GRIA1: variants seen among roughly 807,000 people sequenced by gnomAD.
The protein encoded by GRIA1 is glutamate ionotropic receptor AMPA type subunit 1.
Under a neutral mutation model 99.2 loss-of-function variants are expected in GRIA1, and 31 were observed. The ratio of observed to expected loss-of-function variants is 0.31; its 90% CI spans 0.23 to 0.42. The LOEUF is 0.42. GRIA1 is among the 10% of genes least tolerant of loss of function. GRIA1 has a pLI of 1.00. For synonymous variants in GRIA1, 438 were observed against 432.4 expected, an observed-to-expected ratio of 1.01 and a Z score of -0.16; for missense variants, 782 against 1,157.5, an observed-to-expected ratio of 0.68 and a Z score of 4.71.
At chr5:153,810,672 G>A (rs775798796) in intron 15 of GRIA1, among the ~76,000 whole-genome samples, 11 of 152,118 alleles carry the variant, frequency 7.2e-5, no homozygotes, top group East Asian at 1.9e-4. Context: ...CCCCTTTCCC[G>A]GAAGGTTTTC....
chr5:153,595,365 A>T (rs908406405), intron 2 of GRIA1, among the ~76,000 whole-genome samples: 2 of 152,188 alleles, frequency 1.3e-5, no homozygotes, highest in African/African-American at 4.8e-5. Context: ...AGTGTGGTGC[A>T]TTTGTCACAG....
intron 2 of GRIA1, among the ~76,000 whole-genome samples, chr5:153,644,052 G>A (rs1324772275): frequency 6.6e-6 from 1 of 152,084 alleles, no homozygotes; most frequent in Non-Finnish European, 1.5e-5. Context: ...TGCAGCAAGG[G>A]GAGAGAAGAG....
chr5:153,696,273 A>C (rs1462536747), intron 8 of GRIA1, among the ~76,000 whole-genome samples: 1 of 152,256 alleles, frequency 6.6e-6, no homozygotes, highest in Non-Finnish European at 1.5e-5. Flanking sequence ...AAACATAAAA[A>C]GCACTTTAAA....
chr5:153,677,150 G>C lies in GRIA1; in HGVS notation c.1018G>C (p.Ala340Pro). ...PWGQGIDIQR[A>P]LQQVRFEGLT... ...GGGCCAAGGGATCGACATCCAGAGA[G>C]CTCTGCAGCAGGTAAGACCACCAAT... is the stretch of plus-strand genomic sequence containing the variant. The change falls in exon 7 of 16, where the codon GCT (alanine) becomes CCT (proline). Residue 340 changes from alanine to proline, a missense_variant. Coordinates refer to ENST00000285900, the MANE Select transcript of GRIA1 (RefSeq NM_000827.4). The C allele has an allele frequency of 6.6e-7, 1 of 1,515,860 alleles. No individual in the cohort carries two copies. Among genetic ancestry groups the C allele is most frequent in the Non-Finnish European group, 8.9e-7 (1 of 1,121,908 alleles). The allele number at this position is 1,515,860 out of a possible 1,614,324, so 93.9% of individuals were successfully genotyped here.
chr5:153,712,052 A>G (rs1759351040), intron 11 of GRIA1, among the ~76,000 whole-genome samples: 2 of 151,656 alleles, frequency 1.3e-5, no homozygotes, highest in South Asian at 4.2e-4. Context: ...TAATTTATTT[A>G]TTTATTTATT....
At chr5:153,675,525 GCCATATGGAA>G (rs999732411) in intron 6 of GRIA1, among the ~76,000 whole-genome samples, 1 of 152,196 alleles carries the variant, frequency 6.6e-6, no homozygotes, top group African/African-American at 2.4e-5. Context: ...ATTGACAGTG[GCCATATGGAA>G]CCCTGTGTTG....
intron 2 of GRIA1, among the ~76,000 whole-genome samples, chr5:153,604,920 A>G (rs41373946): frequency 0.22 from 33,030 of 152,052 alleles, 4,225 homozygotes; most frequent in Non-Finnish European, 0.3. Flanking sequence ...ATCAGTTTAA[A>G]AAGAGGAGAG....
intron 11 of GRIA1, among the ~76,000 whole-genome samples, chr5:153,736,482 T>A (rs754540873): frequency 2.0e-5 from 3 of 152,202 alleles, no homozygotes; most frequent in Non-Finnish European, 4.4e-5. Context: ...ATAAGCAAGA[T>A]GTGATTAAAC....
rs70978505 is a variant in GRIA1 at position 153,705,662 on chromosome 5, ATTTTTTTTTTTTTTTTT to A, written c.1453-20_1453-4del. 32 of 752,734 alleles carry A rather than the reference ATTTTTTTTTTTTTTTTT, an allele frequency of 4.3e-5. No homozygotes were observed. The highest frequency in any genetic ancestry group is 1.2e-4 in the East Asian group (2 of 17,316). The allele number at this position is 752,734 out of a possible 1,614,324, so 46.6% of individuals were successfully genotyped here. A position where few individuals can be genotyped will look rare whatever the true frequency, so the allele number is the denominator to read the frequency against. On this transcript the variant is annotated intron_variant, in intron 10 of 15. Coordinates refer to ENST00000285900, the MANE Select transcript of GRIA1 (RefSeq NM_000827.4). ...GAAAAGGGCTGCTGAGCTCACCTGCATTTTTTTTTTTTTTTTTTTTTTTTTTTTTTTCAGAGAGCAGA... is the reference window on the plus strand; with the variant it reads ...GAAAAGGGCTGCTGAGCTCACCTGCATTTTTTTTTTTTTTCAGAGAGCAGA...
At chr5:153,795,965 T>C (rs1043881139) in intron 14 of GRIA1, among the ~76,000 whole-genome samples, 4 of 151,766 alleles carry the variant, frequency 2.6e-5, no homozygotes, top group African/African-American at 7.3e-5. Flanking sequence ...TTACCCAAAA[T>C]GATGGTCTGG....
chr5:153,628,809 C>T (rs11747180), intron 2 of GRIA1, among the ~76,000 whole-genome samples: 12,150 of 152,066 alleles, frequency 0.08, 587 homozygotes, highest in Non-Finnish European at 0.11. Context: ...GTTCTAAAGT[C>T]CTACCTTGGA....
chr5:153,540,837 G>A (rs1471267307), intron 2 of GRIA1, among the ~76,000 whole-genome samples: 2 of 152,172 alleles, frequency 1.3e-5, no homozygotes, highest in Non-Finnish European at 2.9e-5. Context: ...TTGTGGTAAT[G>A]TTCCAGGCAA....
At chr5:153,748,053 T>C (rs576268865) in intron 11 of GRIA1, among the ~76,000 whole-genome samples, 1 of 152,194 alleles carries the variant, frequency 6.6e-6, no homozygotes, top group Non-Finnish European at 1.5e-5. Flanking sequence ...ATGACATTGA[T>C]AAGACCCCCG....
At chr5:153,591,567 G>A (rs1023221171) in intron 2 of GRIA1, among the ~76,000 whole-genome samples, 1 of 152,126 alleles carries the variant, frequency 6.6e-6, no homozygotes, top group African/African-American at 2.4e-5. Flanking sequence ...AGCTCCTAGA[G>A]GACATAGGTA....
At chr5:153,808,618 A>C (rs918496764) in intron 15 of GRIA1, among the ~76,000 whole-genome samples, 1 of 152,196 alleles carries the variant, frequency 6.6e-6, no homozygotes, top group Non-Finnish European at 1.5e-5. Context: ...CATCTCTAGG[A>C]TAGGATTCAG....
intron 2 of GRIA1, among the ~76,000 whole-genome samples, chr5:153,528,168 C>G (rs1757777820): frequency 6.6e-6 from 1 of 152,062 alleles, no homozygotes; most frequent in Non-Finnish European, 1.5e-5. Flanking sequence ...TTATGTTTCT[C>G]AAAACATATA....
In GRIA1 at chr5:153,655,805, A is replaced by G. The variant is rs1280010246; in HGVS notation, c.646-14A>G. The G allele has an allele frequency of 6.2e-7, 1 of 1,610,244 alleles. No individual in the cohort carries two copies. The highest frequency in any genetic ancestry group is 1.3e-5 in the African/African-American group (1 of 74,900). ...TAGTATGATTAATGAGTCTCCACCT[A>G]TTATGTTTTGTAGATTATAAAGCTA... is the stretch of plus-strand genomic sequence containing the variant. On this transcript the variant is annotated splice_polypyrimidine_tract_variant and intron_variant, in intron 4 of 15. Transcript: ENST00000285900.
chr5:153,515,514 TAGAC>T (rs931521283), intron 2 of GRIA1, among the ~76,000 whole-genome samples: 1 of 152,174 alleles, frequency 6.6e-6, no homozygotes, highest in Non-Finnish European at 1.5e-5. Context: ...AGGTTTCAGT[TAGAC>T]AGAAGGAATA....
At chr5:153,690,582 T>G (rs1372067152) in intron 8 of GRIA1, among the ~76,000 whole-genome samples, 2 of 152,204 alleles carry the variant, frequency 1.3e-5, no homozygotes, top group East Asian at 3.9e-4. Flanking sequence ...ATTTGTTTAC[T>G]TGTTTGTACT....
Sources: gnomAD v4.1 joint callset for allele counts (sites outside exome capture counted in the v4.1 genomes callset) on GRCh38, gnomAD v4.1.1 for gene constraint, MANE v1.5 for transcripts, NCBI Gene and HGNC (gene_info 2026-07-23, HGNC 2026-07-21) for gene names.